SPICE1: variants seen among roughly 807,000 people sequenced by gnomAD.
The protein encoded by SPICE1 is spindle and centriole associated protein 1, also known as spindle and centriole-associated protein 1.
In SPICE1, 75 loss-of-function variants were observed where a neutral mutation model predicts 102.7. The ratio of observed to expected loss-of-function variants is 0.73; its 90% CI spans 0.61 to 0.88. The LOEUF (loss-of-function observed/expected upper bound fraction) is 0.88, where lower values mean the gene tolerates loss of function less well. SPICE1 is among the 40% of genes least tolerant of loss of function. The probability of loss-of-function intolerance (pLI) is 0.00; values close to 1 mark genes in which losing one functional copy is unlikely to be tolerated. For missense variants in SPICE1, 979 were observed against 1,020.1 expected, an observed-to-expected ratio of 0.96 and a Z score of 0.55; for synonymous variants, 308 against 350.3, an observed-to-expected ratio of 0.88 and a Z score of 1.35.
chr3:113,453,703 A>G lies in SPICE1; in HGVS notation c.1905T>C (p.Thr635=). ...SQPLCNSHSN[T]QQSRSPTFSE... ...AGAATGTGGGGCTTCTTGACTGTTG[A>G]GTGTTGGAATGGGAATTGCAGAGGG... Residue 635 remains threonine (T), a synonymous_variant, in exon 14 of 18, where the codon ACT becomes ACC. Coordinates refer to ENST00000295872, the MANE Select transcript of SPICE1 (RefSeq NM_144718.4). 6.2e-7 allele frequency: 1 copy of G among 1,613,902 alleles called. No homozygotes were observed. The highest frequency in any genetic ancestry group is 1.3e-5 in the African/African-American group (1 of 74,900).
At chr3:113,465,827 T>C (rs1017353558) in intron 10 of SPICE1, 43 bp from the exon 11 acceptor site, 4 of 1,591,758 alleles carry the variant, frequency 2.5e-6, no homozygotes, top group Middle Eastern at 1.7e-4. Context: ...TAGCATCACA[T>C]GTTGAAAACT....
At chr3:113,448,187 A>G in intron 15 of SPICE1, 47 bp from the exon 16 acceptor site, 1 of 1,484,390 alleles carries the variant, frequency 6.7e-7, no homozygotes, top group Non-Finnish European at 9.1e-7. Flanking sequence ...TCAATGAAAT[A>G]AAAATTTCAC....
intron 15 of SPICE1, chr3:113,449,788 T>C (rs1935603397): frequency 6.5e-6 from 1 of 154,846 alleles, no homozygotes; most frequent in South Asian, 2.0e-4. Flanking sequence ...GCCTTAATAA[T>C]GCAATTTCTG....
At position 113,457,290 on chromosome 3, in the gene SPICE1, TG is replaced by T. The variant is rs1935801104; in HGVS notation, c.1502del (p.Pro501HisfsTer19). ...LMFREEVAEF[P>X]QEELPVKLSQ... ...ACAGTTTAACGGGCAACTCTTCCTG[TG>T]GGAATTCAGCCACTTCCTCTCTGAA... On this transcript the variant is annotated frameshift_variant, in exon 13 of 18. Transcript: ENST00000295872. LOFTEE classifies it high-confidence loss of function. The T allele has an allele frequency of 6.2e-7, 1 of 1,614,054 alleles. No individual in the cohort carries two copies. The highest frequency in any genetic ancestry group is 1.7e-5 in the Admixed American group (1 of 60,000).
chr3:113,473,604 A>T (rs1362627307), intron 7 of SPICE1, among the ~76,000 whole-genome samples: 1 of 152,238 alleles, frequency 6.6e-6, no homozygotes, highest in Non-Finnish European at 1.5e-5. Flanking sequence ...GAAACTCTAC[A>T]AGCCAGAAGA....
At chr3:113,509,057 T>C (rs1237077483) in intron 1 of SPICE1, among the ~76,000 whole-genome samples, 4 of 152,104 alleles carry the variant, frequency 2.6e-5, no homozygotes, top group Admixed American at 6.5e-5. Flanking sequence ...GAGACATAGA[T>C]TAGTGATTGC....
At chr3:113,492,006 A>C (rs1242184293) in intron 6 of SPICE1, among the ~76,000 whole-genome samples, 1 of 152,216 alleles carries the variant, frequency 6.6e-6, no homozygotes, top group Admixed American at 6.5e-5. Context: ...AAAGTACTTA[A>C]AGTATGACTG....
At chr3:113,466,271 C>T (rs763609716) in intron 10 of SPICE1, among the ~76,000 whole-genome samples, 1 of 152,164 alleles carries the variant, frequency 6.6e-6, no homozygotes, top group African/African-American at 2.4e-5. Flanking sequence ...ATGACTACAA[C>T]TTTAAATGGT....
In SPICE1 at chr3:113,446,643, T is replaced by C. The variant is rs1935520797; in HGVS notation, c.2460A>G (p.Pro820=). 1 of 1,613,640 alleles carries C rather than the reference T, an allele frequency of 6.2e-7. No homozygotes were observed. The highest frequency in any genetic ancestry group is 1.3e-5 in the African/African-American group (1 of 74,894). Reference sequence around the variant, plus strand: ...TCCCACTTCCTGAGGTGGCATTTAGTGGAGAACAAGAATTACCAGTAGCCC... The same window carrying C: ...TCCCACTTCCTGAGGTGGCATTTAGCGGAGAACAAGAATTACCAGTAGCCC... The part of the protein sequence containing the change: ...SSGATGNSCS[P]LNATSGSGRF... Residue 820 remains proline (P), a synonymous_variant, in exon 17 of 18, where the codon CCA becomes CCG. Coordinates refer to ENST00000295872, the MANE Select transcript of SPICE1 (RefSeq NM_144718.4).
At chr3:113,466,069 T>C (rs1374024582) in intron 10 of SPICE1, among the ~76,000 whole-genome samples, 1 of 152,228 alleles carries the variant, frequency 6.6e-6, no homozygotes, top group Non-Finnish European at 1.5e-5. Flanking sequence ...TACATATTAT[T>C]TGAATATACA....
chr3:113,490,804 CTTCT>C (rs1484965544), intron 6 of SPICE1, among the ~76,000 whole-genome samples: 2 of 152,144 alleles, frequency 1.3e-5, no homozygotes, highest in African/African-American at 4.8e-5. Context: ...AGGAGTTATC[CTTCT>C]TTCTCACTTG....
intron 11 of SPICE1, among the ~76,000 whole-genome samples, chr3:113,463,308 T>G (rs1042217943): frequency 6.6e-6 from 1 of 152,250 alleles, no homozygotes; most frequent in Admixed American, 6.5e-5. Flanking sequence ...AGGGCAAAGT[T>G]TTCTATATTT....
At chr3:113,454,711 C>T (rs1935740643) in intron 13 of SPICE1, among the ~76,000 whole-genome samples, 1 of 150,852 alleles carries the variant, frequency 6.6e-6, no homozygotes, top group African/African-American at 2.4e-5. Context: ...AGCGAAACTC[C>T]ATCTCAAAGG....
intron 7 of SPICE1, among the ~76,000 whole-genome samples, chr3:113,483,310 G>A (rs1324003290): frequency 2.0e-5 from 3 of 152,192 alleles, no homozygotes; most frequent in Non-Finnish European, 4.4e-5. Context: ...TTTGGGCTGA[G>A]ACGATGGTGT....
chr3:113,471,236 T>C (rs1936189217), intron 7 of SPICE1, among the ~76,000 whole-genome samples: 1 of 152,208 alleles, frequency 6.6e-6, no homozygotes, highest in South Asian at 2.1e-4. Flanking sequence ...CCTCTTCAGA[T>C]ACAATTTAGA....
chr3:113,460,494 A>G (rs1935906116), intron 12 of SPICE1, 123 bp downstream of exon 12: 1 of 1,441,080 alleles, frequency 6.9e-7, no homozygotes, highest in Non-Finnish European at 9.1e-7. Flanking sequence ...TGTAGTAGTG[A>G]CAATACTGTA....
intron 1 of SPICE1, among the ~76,000 whole-genome samples, chr3:113,507,360 A>T (rs1477902444): frequency 6.6e-6 from 1 of 152,172 alleles, no homozygotes; most frequent in Non-Finnish European, 1.5e-5. Flanking sequence ...TTTAAAAAGC[A>T]ATACATATAC....
At position 113,500,707 on chromosome 3, in the gene SPICE1, A is replaced by C. The variant is rs75559436; in HGVS notation, c.148-1125T>G. Reference sequence around the variant, plus strand: ...GTACATAGTAGTTATTTCTATTTTTATCTCCATTTTCCCTTGAGTTTGAAA... The same window carrying C: ...GTACATAGTAGTTATTTCTATTTTTCTCTCCATTTTCCCTTGAGTTTGAAA... On this transcript the variant is annotated intron_variant, in intron 3 of 17. Transcript: ENST00000295872. Among the ~76,000 whole-genome samples, 731 of 152,264 alleles carry C rather than the reference A, an allele frequency of 4.8e-3. 4 individuals are homozygous for C. Among genetic ancestry groups the C allele is most frequent in the African/African-American group, 0.017 (687 of 41,560 alleles).
rs563477568 is a variant in SPICE1, at chr3:113,510,828, A to G, written c.-1+4069T>C. Reference sequence around the variant, plus strand: ...AAGAAATTATCATCAGAGCAAACAGACAACCTACAAAATGAGAGAAAAATT... The same window carrying G: ...AAGAAATTATCATCAGAGCAAACAGGCAACCTACAAAATGAGAGAAAAATT... On this transcript the variant is annotated intron_variant, in intron 1 of 17. Transcript: ENST00000295872. Among the ~76,000 whole-genome samples the G allele has an allele frequency of 8.5e-5, 13 of 152,306 alleles. No homozygotes were observed. The East Asian group carries it at 2.5e-3, about 29-fold the overall frequency.
Sources: allele counts gnomAD v4.1 joint callset (sites outside exome capture counted in the v4.1 genomes callset), GRCh38; gene constraint gnomAD v4.1.1; transcripts MANE v1.5; gene names NCBI Gene and HGNC (gene_info 2026-07-23, HGNC 2026-07-21).